LSAMP: variants seen among roughly 807,000 people sequenced by gnomAD.
LSAMP encodes limbic system-associated membrane protein.
Under a neutral mutation model 38.6 loss-of-function variants are expected in LSAMP, and 7 were observed. That is an observed-to-expected ratio of 0.18 (90% CI 0.10 to 0.34). LSAMP has a LOEUF of 0.34. LSAMP is among the 10% of genes least tolerant of loss of function. The pLI, the probability that LSAMP is intolerant of heterozygous loss-of-function variation, is 1.00. For missense variants in LSAMP, 313 were observed against 420.0 expected (o/e 0.75, Z 2.23); for synonymous variants, 154 against 166.8 (o/e 0.92, Z 0.59).
intron 1 of LSAMP, among the ~76,000 whole-genome samples, chr3:116,117,080 A>AT (rs1270928483): frequency 1.3e-5 from 2 of 152,330 alleles, no homozygotes; most frequent in African/African-American, 2.4e-5. Context: ...GATTTGAGTA[A>AT]TTTTTTATGC....
At chr3:116,272,500 A>G (rs1191657581) in intron 1 of LSAMP, among the ~76,000 whole-genome samples, 2 of 152,204 alleles carry the variant, frequency 1.3e-5, no homozygotes, top group Non-Finnish European at 2.9e-5. Context: ...TGGTCATATC[A>G]TGCCCACTGG....
At chr3:115,917,836 C>T (rs575530454) in intron 3 of LSAMP, among the ~76,000 whole-genome samples, 1 of 152,276 alleles carries the variant, frequency 6.6e-6, no homozygotes, top group South Asian at 2.1e-4. Flanking sequence ...AGTACATTAA[C>T]CTTGCAAATA....
chr3:116,195,997 T>C, intron 1 of LSAMP, among the ~76,000 whole-genome samples: 1 of 152,222 alleles, frequency 6.6e-6, no homozygotes, highest in African/African-American at 2.4e-5. Flanking sequence ...TCACTATAAA[T>C]CAATGAGCTA....
At chr3:115,977,267 G>T (rs1939216711) in intron 3 of LSAMP, among the ~76,000 whole-genome samples, 1 of 152,136 alleles carries the variant, frequency 6.6e-6, no homozygotes, top group Non-Finnish European at 1.5e-5. Context: ...ATGTAGAAAA[G>T]AAAATTCTCA....
chr3:115,866,852 T>C (rs1238200576), intron 3 of LSAMP, among the ~76,000 whole-genome samples: 1 of 152,082 alleles, frequency 6.6e-6, no homozygotes, highest in Non-Finnish European at 1.5e-5. Flanking sequence ...CCTTTTGCAA[T>C]GCAAATATTA....
rs528249808 is a variant in LSAMP at position 115,854,468 on chromosome 3, G to A, written c.515-1851C>T. Among the ~76,000 whole-genome samples, 5 of 151,722 alleles carry A rather than the reference G, an allele frequency of 3.3e-5. No homozygotes were observed. The East Asian group carries it at 7.8e-4, about 24-fold the overall frequency. On this transcript the variant is annotated intron_variant, in intron 3 of 6. Transcript: ENST00000490035. ...CGGCTAATTTTTTGTATTTTTAGTA[G>A]AGACGGGGTTTCACCGTGTTAGCCA...
At chr3:115,941,645 C>T (rs1937925244) in intron 3 of LSAMP, among the ~76,000 whole-genome samples, 1 of 151,982 alleles carries the variant, frequency 6.6e-6, no homozygotes, top group African/African-American at 2.4e-5. Context: ...CTGCCATTTA[C>T]AACAACATGG....
At chr3:115,904,717 A>G (rs7612435) in intron 3 of LSAMP, among the ~76,000 whole-genome samples, 66,902 of 151,946 alleles carry the variant, frequency 0.44, 15,131 homozygotes, top group African/African-American at 0.55. Context: ...AGAACAGAAC[A>G]TCAACGTTCC....
intron 1 of LSAMP, among the ~76,000 whole-genome samples, chr3:116,312,519 G>A (rs1402651900): frequency 6.6e-6 from 1 of 151,722 alleles, no homozygotes; most frequent in Non-Finnish European, 1.5e-5. Flanking sequence ...CATCTTCTTT[G>A]CATTTTTAAA....
At chr3:116,323,958 G>C (rs1468649206) in intron 1 of LSAMP, among the ~76,000 whole-genome samples, 5 of 152,054 alleles carry the variant, frequency 3.3e-5, no homozygotes, top group African/African-American at 1.2e-4. Flanking sequence ...AATGCCTTTT[G>C]GGTTGAGACA....
chr3:116,437,023 G>GTATA (rs1294035485), intron 1 of LSAMP, among the ~76,000 whole-genome samples: 25 of 143,662 alleles, frequency 1.7e-4, no homozygotes, highest in African/African-American at 6.8e-4. Context: ...ATATATGTGT[G>GTATA]TGTATATATA....
intron 1 of LSAMP, among the ~76,000 whole-genome samples, chr3:116,107,196 G>A (rs1481429038): frequency 1.3e-5 from 2 of 152,148 alleles, no homozygotes; most frequent in Admixed American, 1.3e-4. Context: ...AATGTGGGAG[G>A]CTGGATTGAA....
At chr3:116,084,988 T>A (rs1707956322) in intron 2 of LSAMP, among the ~76,000 whole-genome samples, 1 of 152,164 alleles carries the variant, frequency 6.6e-6, no homozygotes, top group African/African-American at 2.4e-5. Context: ...TGAATAAATG[T>A]GTGCTTGTAT....
At position 115,995,833 on chromosome 3, in the gene LSAMP, G is replaced by A. The variant is rs116840247; in HGVS notation, c.514+23682C>T. Among the ~76,000 whole-genome samples, 776 of 151,994 alleles carry A rather than the reference G, an allele frequency of 5.1e-3. 6 individuals carry two copies. Among genetic ancestry groups the A allele is most frequent in the Non-Finnish European group, 9.3e-3 (631 of 67,936 alleles). On this transcript the variant is annotated intron_variant, in intron 3 of 6. Transcript: ENST00000490035. The stretch of plus-strand genomic sequence containing the variant: ...AATTAATGGACATTTATTTGGAGCT[G>A]GTGAGGAAACTTGTATATATTAATA...
At chr3:115,917,194 G>A (rs958146017) in intron 3 of LSAMP, among the ~76,000 whole-genome samples, 13 of 152,164 alleles carry the variant, frequency 8.5e-5, no homozygotes, top group African/African-American at 3.1e-4. Context: ...AAAATATTAA[G>A]GTGAGGGTTG....
intron 2 of LSAMP, among the ~76,000 whole-genome samples, chr3:116,084,059 G>A (rs1707933094): frequency 6.6e-6 from 1 of 151,982 alleles, no homozygotes; most frequent in Non-Finnish European, 1.5e-5. Flanking sequence ...GACAAACATG[G>A]GTTTGAAACC....
At chr3:115,927,357 C>G (rs550178780) in intron 3 of LSAMP, among the ~76,000 whole-genome samples, 2 of 152,162 alleles carry the variant, frequency 1.3e-5, no homozygotes, top group African/African-American at 4.8e-5. Flanking sequence ...GAAATATTCA[C>G]CACACTCTGA....
chr3:116,138,562 T>C (rs536822306), intron 1 of LSAMP, among the ~76,000 whole-genome samples: 2 of 152,174 alleles, frequency 1.3e-5, no homozygotes, highest in South Asian at 2.1e-4. Context: ...AGAGATGCCA[T>C]GGCAATACAA....
chr3:115,856,503 C>A (rs1935512369), intron 3 of LSAMP, among the ~76,000 whole-genome samples: 1 of 151,892 alleles, frequency 6.6e-6, no homozygotes, highest in South Asian at 2.1e-4. Context: ...CCTGTAATCC[C>A]AGCTATTTGG....
Sources: gnomAD v4.1 joint callset for allele counts (sites outside exome capture counted in the v4.1 genomes callset) on GRCh38, gnomAD v4.1.1 for gene constraint, MANE v1.5 for transcripts, NCBI Gene and HGNC (gene_info 2026-07-23, HGNC 2026-07-21) for gene names.